The following GPR158 variants were observed in gnomAD, a reference collection of about 807,000 sequenced individuals.
GPR158 encodes G protein-coupled receptor 158.
GPR158 carries 30 observed loss-of-function variants against 78.2 expected under a neutral mutation model. The ratio of observed to expected loss-of-function variants is 0.38; its 90% CI spans 0.29 to 0.52. GPR158 has a LOEUF of 0.52. GPR158 is among the 20% of genes least tolerant of loss of function. The pLI, the probability that GPR158 is intolerant of heterozygous loss-of-function variation, is 0.83. For missense variants in GPR158, 1,463 were observed against 1,523.5 expected (o/e 0.96, Z 0.66); for synonymous variants, 581 against 591.1 (o/e 0.98, Z 0.25).
chr10:25,226,287 T>G (rs1453343010), intron 2 of GPR158, among the ~76,000 whole-genome samples: 4 of 152,190 alleles, frequency 2.6e-5, no homozygotes, highest in African/African-American at 9.6e-5. Context: ...AACTAGTGGC[T>G]ACCATGTTGA....
chr10:25,178,366 T>C (rs1006038010), intron 1 of GPR158, among the ~76,000 whole-genome samples: 2 of 152,192 alleles, frequency 1.3e-5, no homozygotes, highest in African/African-American at 4.8e-5. Flanking sequence ...AAAATATATG[T>C]ATTTTCAAGG....
Position 25,596,746 on chromosome 10 carries a change from A to G in GPR158, c.2102A>G (p.Asn701Ser), listed in dbSNP as rs144019693. 1.0e-4 allele frequency: 164 copies of G among 1,613,870 alleles called. No homozygotes were observed. Among genetic ancestry groups the G allele is most frequent in the Middle Eastern group, 1.7e-4 (1 of 6,060 alleles). Residue 701 changes from asparagine (N) to serine (S), a missense_variant, in exon 10 of 11, where the codon AAT becomes AGT. Coordinates refer to ENST00000376351, the MANE Select transcript of GPR158 (RefSeq NM_020752.3). ...RSGSYLNSSI[N>S]SAWSEHSLDP... Reference sequence around the variant, plus strand: ...GGATCCTACCTGAACAGCAGTATCAATTCAGCCTGGAGTGAGCACAGCTTG... The same window carrying G: ...GGATCCTACCTGAACAGCAGTATCAGTTCAGCCTGGAGTGAGCACAGCTTG...
At chr10:25,385,056 A>C (rs1265970298) in intron 2 of GPR158, among the ~76,000 whole-genome samples, 2 of 152,164 alleles carry the variant, frequency 1.3e-5, no homozygotes, top group Non-Finnish European at 2.9e-5. Flanking sequence ...TTGTTGTGTG[A>C]CAGAGCTCTA....
chr10:25,332,039 C>A (rs570064891), intron 2 of GPR158, among the ~76,000 whole-genome samples: 64 of 152,130 alleles, frequency 4.2e-4, no homozygotes, highest in Middle Eastern at 3.4e-3. Flanking sequence ...TATGTGACAT[C>A]CAATAAAGTA....
In GPR158 at chr10:25,296,626, A is replaced by G. The variant is rs1854519237; in HGVS notation, c.1008+75469A>G. Among the ~76,000 whole-genome samples, 6 of 151,866 alleles carry G rather than the reference A, an allele frequency of 4.0e-5. 1 individual carries two copies. In the South Asian group the frequency reaches 1.2e-3, roughly 31 times the overall value. On this transcript the variant is annotated intron_variant, in intron 2 of 10. Transcript: ENST00000376351. ...AATGAGTACCCAGTATGTTAAAAGTATCAAAAATAATCATAACTAACATGT... is the reference window on the plus strand; with the variant it reads ...AATGAGTACCCAGTATGTTAAAAGTGTCAAAAATAATCATAACTAACATGT...
rs548612921 is a variant in GPR158, at chr10:25,426,892, C to T, written c.1335+14419C>T. 6.6e-5 allele frequency among the ~76,000 whole-genome samples: 10 copies of T among 152,020 alleles called. No homozygotes were observed. In the South Asian group the frequency reaches 1.7e-3, roughly 25 times the overall value. Reference sequence around the variant, plus strand: ...CTGTGGAGTGCAATAAAGTGAAGCTCGATAAAATGATGTATGCTAGTATGA... The same window carrying T: ...CTGTGGAGTGCAATAAAGTGAAGCTTGATAAAATGATGTATGCTAGTATGA... On this transcript the variant is annotated intron_variant, in intron 4 of 10. Coordinates refer to ENST00000376351, the MANE Select transcript of GPR158 (RefSeq NM_020752.3).
At chr10:25,400,472 T>A (rs935733340) in intron 3 of GPR158, among the ~76,000 whole-genome samples, 6 of 152,180 alleles carry the variant, frequency 3.9e-5, no homozygotes, top group African/African-American at 1.4e-4. Flanking sequence ...ACCAACAGAA[T>A]GTATTCAAAT....
chr10:25,522,490 C>A (rs1294607872), intron 5 of GPR158, among the ~76,000 whole-genome samples: 3 of 152,098 alleles, frequency 2.0e-5, no homozygotes, highest in Non-Finnish European at 4.4e-5. Flanking sequence ...TTCTCTTTGG[C>A]TTTGGTAATG....
intron 2 of GPR158, among the ~76,000 whole-genome samples, chr10:25,224,817 A>G (rs551163613): frequency 4.6e-4 from 70 of 152,264 alleles, no homozygotes; most frequent in African/African-American, 1.7e-3. Context: ...CTTGATGTCA[A>G]TTGGTCCTCG....
At chr10:25,212,618 A>C (rs1853148023) in intron 1 of GPR158, among the ~76,000 whole-genome samples, 1 of 144,644 alleles carries the variant, frequency 6.9e-6, no homozygotes, top group Non-Finnish European at 1.5e-5. Flanking sequence ...ACTACTAGAG[A>C]ATTTATAGCT....
chr10:25,356,366 A>G (rs984225424), intron 2 of GPR158, among the ~76,000 whole-genome samples: 1 of 151,932 alleles, frequency 6.6e-6, no homozygotes, highest in Non-Finnish European at 1.5e-5. Flanking sequence ...CTACACTGCC[A>G]TTTTGGAATC....
At chr10:25,399,722 G>T (rs1430570503) in intron 3 of GPR158, among the ~76,000 whole-genome samples, 1 of 152,290 alleles carries the variant, frequency 6.6e-6, no homozygotes, top group South Asian at 2.1e-4. Flanking sequence ...AGGAATATGA[G>T]CTCTGTAACT....
chr10:25,321,449 A>G (rs896111607), intron 2 of GPR158, among the ~76,000 whole-genome samples: 24 of 152,318 alleles, frequency 1.6e-4, no homozygotes, highest in African/African-American at 5.5e-4. Flanking sequence ...AAAGGAATTA[A>G]AGAAGGGAAG....
At chr10:25,258,461 CT>C (rs1284628689) in intron 2 of GPR158, among the ~76,000 whole-genome samples, 1 of 152,070 alleles carries the variant, frequency 6.6e-6, no homozygotes, top group Non-Finnish European at 1.5e-5. Flanking sequence ...TTTCACAAAC[CT>C]TTTCCTTTAC....
At chr10:25,366,132 CTTTTG>C (rs71508726) in intron 2 of GPR158, among the ~76,000 whole-genome samples, 21,362 of 151,240 alleles carry the variant, frequency 0.14, 1,808 homozygotes, top group African/African-American at 0.24. Context: ...TGTAGACAAA[CTTTTG>C]TTTTTGTTTT....
intron 2 of GPR158, among the ~76,000 whole-genome samples, chr10:25,372,867 T>C (rs992066776): frequency 6.6e-6 from 1 of 150,388 alleles, no homozygotes; most frequent in Non-Finnish European, 1.5e-5. Flanking sequence ...ATAAAATAAA[T>C]AAATAAATAA....
At chr10:25,547,124 G>A (rs1205054050) in intron 5 of GPR158, among the ~76,000 whole-genome samples, 1 of 152,110 alleles carries the variant, frequency 6.6e-6, no homozygotes. Context: ...TAAGAAATAG[G>A]AAAATGTTTG....
intron 2 of GPR158, among the ~76,000 whole-genome samples, chr10:25,227,205 G>C (rs1001466010): frequency 2.2e-4 from 33 of 152,202 alleles, no homozygotes; most frequent in Non-Finnish European, 5.9e-5. Flanking sequence ...AGCCTAATAA[G>C]TCAGTTAAGG....
chr10:25,249,728 T>G (rs1231510902), intron 2 of GPR158, among the ~76,000 whole-genome samples: 23 of 152,064 alleles, frequency 1.5e-4, no homozygotes, highest in African/African-American at 3.4e-4. Flanking sequence ...ATTTTATTGA[T>G]GATTTTTGCA....
Sources: gnomAD v4.1 joint callset for allele counts (sites outside exome capture counted in the v4.1 genomes callset) on GRCh38, gnomAD v4.1.1 for gene constraint, MANE v1.5 for transcripts, NCBI Gene and HGNC (gene_info 2026-07-23, HGNC 2026-07-21) for gene names.